The following ISX variants were observed in gnomAD, a reference collection of about 807,000 sequenced individuals.
ISX encodes intestine specific homeobox, also known as intestine-specific homeobox.
In ISX, 15 loss-of-function variants were observed where a neutral mutation model predicts 16.9. The observed-to-expected ratio is 0.89, with a 90% CI of 0.59 to 1.36. ISX has a LOEUF of 1.36. ISX is among the 40% of genes most tolerant of loss of function. The pLI is 0.00. For missense variants in ISX, 316 were observed against 306.1 expected (o/e 1.03, Z -0.24); for synonymous variants, 125 against 119.7 (o/e 1.04, Z -0.29).
At chr22:35,069,082 T>A (rs1928782449) in intron 2 of ISX, among the ~76,000 whole-genome samples, 1 of 152,214 alleles carries the variant, frequency 6.6e-6, no homozygotes, top group South Asian at 2.1e-4. Context: ...GGTGGGTATG[T>A]AGATAAAGAT....
chr22:35,086,901 C>T lies in ISX; in HGVS notation c.*1208C>T, dbSNP rs539876966. 2.0e-5 allele frequency: 3 copies of T among 152,354 alleles called. No individual in the cohort carries two copies. The East Asian group carries it at 5.8e-4, about 29-fold the overall frequency. 9.4% of individuals were successfully genotyped at this position (152,354 alleles called of 1,614,324 possible). A position where few individuals can be genotyped will look rare whatever the true frequency, so the allele number is the denominator to read the frequency against. On this transcript the variant is annotated 3_prime_UTR_variant, in exon 5 of 5. Transcript: ENST00000404699. ...CCCTAAGCTGGGAAGCCTGGAATGA[C>T]CTCTTGCACAAGCCTAAATTCCAGG...
intron 2 of ISX, among the ~76,000 whole-genome samples, chr22:35,080,510 G>C (rs1929100125): frequency 6.6e-6 from 1 of 152,100 alleles, no homozygotes; most frequent in Admixed American, 6.6e-5. Flanking sequence ...TCAGCCAAAA[G>C]ATAATCCATC....
chr22:35,076,143 A>C (rs1928974969), intron 2 of ISX, among the ~76,000 whole-genome samples: 2 of 152,282 alleles, frequency 1.3e-5, no homozygotes, highest in African/African-American at 4.8e-5. Flanking sequence ...GGAGATTCAC[A>C]ACAGACCTCA....
At position 35,085,844 on chromosome 22, in the gene ISX, T is replaced by C; in HGVS notation, c.*151T>C. The C allele has an allele frequency of 1.1e-6, 1 of 881,746 alleles. No homozygotes were observed. The highest frequency in any genetic ancestry group is 1.8e-6 in the Non-Finnish European group (1 of 570,712). The allele number at this position is 881,746 out of a possible 1,614,324, so 54.6% of individuals were successfully genotyped here. Reference sequence around the variant, plus strand: ...ACCCTGAACATGCCAGTTGGAAGGCTGCACCAGACTCAAAAGCAAACTAAA... The same window carrying C: ...ACCCTGAACATGCCAGTTGGAAGGCCGCACCAGACTCAAAAGCAAACTAAA... On this transcript the variant is annotated 3_prime_UTR_variant, in exon 5 of 5. Coordinates refer to ENST00000404699, the MANE Select transcript of ISX (RefSeq NM_001303508.2).
Position 35,067,284 on chromosome 22 carries a change from G to A in ISX, c.197G>A (p.Gly66Glu), listed in dbSNP as rs1280878700. 1 of 1,585,492 alleles carries A rather than the reference G, an allele frequency of 6.3e-7. No individual in the cohort carries two copies. Among genetic ancestry groups the A allele is most frequent in the South Asian group, 1.2e-5 (1 of 86,772 alleles). ...GPGEAAASGS[G>E]LEKPPKDQPQ... ...GGAGAAGCTGCGGCCTCAGGCTCTGGGCTAGAAAAGCCTCCAAAGGACCAG... is the reference window on the plus strand; with the variant it reads ...GGAGAAGCTGCGGCCTCAGGCTCTGAGCTAGAAAAGCCTCCAAAGGACCAG... Residue 66 changes from glycine (G) to glutamate (E), a missense_variant, in exon 2 of 5, where the codon GGG becomes GAG. Coordinates refer to ENST00000404699, the MANE Select transcript of ISX (RefSeq NM_001303508.2).
chr22:35,068,000 G>A (rs1180353155), intron 2 of ISX, among the ~76,000 whole-genome samples: 1 of 152,210 alleles, frequency 6.6e-6, no homozygotes, highest in Admixed American at 6.5e-5. Flanking sequence ...TGGGGCATTG[G>A]TGTGGACGCA....
chr22:35,085,441 C>A lies in ISX; in HGVS notation c.499-13C>A. The A allele has an allele frequency of 1.9e-6, 3 of 1,614,204 alleles. No individual in the cohort carries two copies. The South Asian group carries it at 3.3e-5, about 18-fold the overall frequency. Reference sequence around the variant, plus strand: ...AGGACTCACTTCTCTCTCCTGACCTCTCCTTGTGACAGGGGCCCACGTGGA... The same window carrying A: ...AGGACTCACTTCTCTCTCCTGACCTATCCTTGTGACAGGGGCCCACGTGGA... On this transcript the variant is annotated splice_polypyrimidine_tract_variant and intron_variant, in intron 4 of 4. Transcript: ENST00000404699.
chr22:35,081,206 G>A (rs1929116968), intron 2 of ISX, among the ~76,000 whole-genome samples: 1 of 152,240 alleles, frequency 6.6e-6, no homozygotes, highest in African/African-American at 2.4e-5. Context: ...GAGAGAAGAG[G>A]TGATCCCAGA....
chr22:35,083,391 T>C (rs1479199191), intron 3 of ISX, among the ~76,000 whole-genome samples: 2 of 152,230 alleles, frequency 1.3e-5, no homozygotes, highest in Non-Finnish European at 2.9e-5. Flanking sequence ...GTCGGAGACC[T>C]GGTTTAAGCA....
chr22:35,071,853 C>T (rs1195993868), intron 2 of ISX, among the ~76,000 whole-genome samples: 1 of 152,152 alleles, frequency 6.6e-6, no homozygotes, highest in Admixed American at 6.6e-5. Context: ...CTCTCCTCCT[C>T]CCTCACTTCT....
chr22:35,072,277 G>A (rs1282544518), intron 2 of ISX, among the ~76,000 whole-genome samples: 7 of 152,196 alleles, frequency 4.6e-5, no homozygotes, highest in Admixed American at 3.9e-4. Flanking sequence ...CTGCAAAAAA[G>A]AGCACGGTAT....
chr22:35,076,801 C>G (rs2146291557), intron 2 of ISX, among the ~76,000 whole-genome samples: 1 of 152,328 alleles, frequency 6.6e-6, no homozygotes, highest in East Asian at 1.9e-4. Flanking sequence ...CTAAATGGCT[C>G]AGGTTTAATT....
At position 35,085,981 on chromosome 22, in the gene ISX, C is replaced by A. The variant is rs1490937879; in HGVS notation, c.*288C>A. The A allele has an allele frequency of 4.3e-6, 2 of 460,400 alleles. No individual in the cohort carries two copies. Among genetic ancestry groups the A allele is most frequent in the Non-Finnish European group, 8.0e-6 (2 of 249,922 alleles). The allele number at this position is 460,400 out of a possible 1,614,324, so 28.5% of individuals were successfully genotyped here. On this transcript the variant is annotated 3_prime_UTR_variant, in exon 5 of 5. Transcript: ENST00000404699. ...GAAATAGGGAGGTAATCCTCCAGCACCTGTGTTTCCTCTAACTTGCTGTGT... is the reference window on the plus strand; with the variant it reads ...GAAATAGGGAGGTAATCCTCCAGCAACTGTGTTTCCTCTAACTTGCTGTGT...
intron 2 of ISX, among the ~76,000 whole-genome samples, chr22:35,076,850 G>A (rs1928994672): frequency 6.6e-6 from 1 of 152,212 alleles, no homozygotes; most frequent in South Asian, 2.1e-4. Context: ...ACCTATTAAA[G>A]TGTGAGTCAC....
Position 35,086,690 on chromosome 22 carries a change from G to A in ISX, c.*997G>A, listed in dbSNP as rs1929263030. 1 of 152,226 alleles carries A rather than the reference G, an allele frequency of 6.6e-6. No homozygotes were observed. Among genetic ancestry groups the A allele is most frequent in the African/African-American group, 2.4e-5 (1 of 41,462 alleles). 9.4% of individuals were successfully genotyped at this position (152,226 alleles called of 1,614,324 possible). ...CTCTGAGAGGACATGAGAGTATTTT[G>A]CAAAGTGAGGGCAAGGCCCAGTGTG... is the stretch of plus-strand genomic sequence containing the variant. On this transcript the variant is annotated 3_prime_UTR_variant, in exon 5 of 5. Coordinates refer to ENST00000404699, the MANE Select transcript of ISX (RefSeq NM_001303508.2).
intron 2 of ISX, among the ~76,000 whole-genome samples, chr22:35,068,729 A>G (rs575190124): frequency 6.6e-6 from 1 of 152,300 alleles, no homozygotes; most frequent in African/African-American, 2.4e-5. Context: ...CGTGTCAGCT[A>G]TCCATCTGGT....
intron 3 of ISX, among the ~76,000 whole-genome samples, chr22:35,083,877 G>A (rs370535272): frequency 2.0e-5 from 3 of 152,256 alleles, no homozygotes; most frequent in Non-Finnish European, 2.9e-5. Flanking sequence ...CACCTGCTCA[G>A]GAATGCAGGG....
At chr22:35,072,807 A>G (rs1928889440) in intron 2 of ISX, among the ~76,000 whole-genome samples, 1 of 152,254 alleles carries the variant, frequency 6.6e-6, no homozygotes, top group African/African-American at 2.4e-5. Flanking sequence ...AATATTTATT[A>G]TCTCACTCAG....
At chr22:35,066,695 C>A in intron 1 of ISX, 57 bp from the exon 2 acceptor site, 2 of 190,388 alleles carry the variant, frequency 1.1e-5, no homozygotes, top group Non-Finnish European at 1.1e-5. Context: ...CCTCCTCTTT[C>A]CTGTGCCTTA....
Sources: allele counts gnomAD v4.1 joint callset (sites outside exome capture counted in the v4.1 genomes callset), GRCh38; gene constraint gnomAD v4.1.1; transcripts MANE v1.5; gene names NCBI Gene and HGNC (gene_info 2026-07-23, HGNC 2026-07-21).